The following ZNF778 variants were observed in gnomAD, a reference collection of about 807,000 sequenced individuals.
The protein encoded by ZNF778 is zinc finger protein 778.
In ZNF778, 37 loss-of-function variants were observed where a neutral mutation model predicts 23.9. The ratio of observed to expected loss-of-function variants is 1.54; its 90% CI spans 1.19 to 2.03. The LOEUF (loss-of-function observed/expected upper bound fraction) is 2.03, where lower values mean the gene tolerates loss of function less well. Ranked by LOEUF, ZNF778 falls within the 30% of genes most tolerant of loss-of-function variation. The pLI, the probability that ZNF778 is intolerant of heterozygous loss-of-function variation, is 0.00. For missense variants in ZNF778, 1,297 were observed against 934.4 expected, an observed-to-expected ratio of 1.39 and a Z score of -5.06; for synonymous variants, 483 against 343.9, an observed-to-expected ratio of 1.40 and a Z score of -4.48.
chr16:89,233,752 C>T lies in ZNF778; in HGVS notation c.*5190C>T, dbSNP rs578162344. Reference sequence around the variant, plus strand: ...AACTCGCACTGCATATGCAACTCAACTCGCACTGCGTATGCAACTCAACTC... The same window carrying T: ...AACTCGCACTGCATATGCAACTCAATTCGCACTGCGTATGCAACTCAACTC... On this transcript the variant is annotated 3_prime_UTR_variant, in exon 7 of 7. Coordinates refer to ENST00000433976, the MANE Select transcript of ZNF778 (RefSeq NM_001201407.2). The T allele has an allele frequency of 3.4e-3, 4,027 of 1,185,962 alleles. 110 individuals are homozygous for T. Among genetic ancestry groups the T allele is most frequent in the Middle Eastern group, 9.4e-3 (42 of 4,464 alleles). 73.5% of individuals were successfully genotyped at this position (1,185,962 alleles called of 1,614,324 possible).
chr16:89,222,079 C>T lies in ZNF778; in HGVS notation c.26-13C>T, dbSNP rs772472654. 5.1e-6 allele frequency: 8 copies of T among 1,580,410 alleles called. No individual in the cohort carries two copies. Among genetic ancestry groups the T allele is most frequent in the Non-Finnish European group, 6.0e-6 (7 of 1,157,836 alleles). On this transcript the variant is annotated splice_polypyrimidine_tract_variant and intron_variant, in intron 2 of 6. Coordinates refer to ENST00000433976, the MANE Select transcript of ZNF778 (RefSeq NM_001201407.2). Reference sequence around the variant, plus strand: ...CTGGGTTCTCATGCCTTCTTGCCTTCTTTGTTTTTTAGGAGGTCATGTTTC... The same window carrying T: ...CTGGGTTCTCATGCCTTCTTGCCTTTTTTGTTTTTTAGGAGGTCATGTTTC...
At chr16:89,219,118 AAAAT>A (rs1243776182) in intron 1 of ZNF778, among the ~76,000 whole-genome samples, 1 of 152,206 alleles carries the variant, frequency 6.6e-6, no homozygotes, top group Non-Finnish European at 1.5e-5. Context: ...AAAAAATAAA[AAAAT>A]AAAAAAATAA....
chr16:89,227,080 C>T lies in ZNF778; in HGVS notation c.792C>T (p.His264=). The T allele has an allele frequency of 1.9e-6, 3 of 1,614,050 alleles. No individual in the cohort carries two copies. Among genetic ancestry groups the T allele is most frequent in the South Asian group, 1.1e-5 (1 of 91,084 alleles). Residue 264 remains histidine, a synonymous_variant, in exon 7 of 7, where the codon CAC becomes CAT. Coordinates refer to ENST00000433976, the MANE Select transcript of ZNF778 (RefSeq NM_001201407.2). ...KWKPCGKALT[H]SMGCATPVEM... ...AGCCGTGTGGGAAAGCTCTAACTCACTCCATGGGCTGCGCCACACCTGTTG... is the reference window on the plus strand; with the variant it reads ...AGCCGTGTGGGAAAGCTCTAACTCATTCCATGGGCTGCGCCACACCTGTTG...
In ZNF778 at chr16:89,228,516, G is replaced by A; in HGVS notation, c.2228G>A (p.Cys743Tyr). The change falls in exon 7 of 7, where the codon TGC becomes TAC. Residue 743 changes from cysteine (C) to tyrosine (Y), a missense_variant. Cys to Tyr is a radical substitution (Grantham distance 194, BLOSUM62 -2). Coordinates refer to ENST00000433976, the MANE Select transcript of ZNF778 (RefSeq NM_001201407.2). ...DCGKSFKNSS[C>Y]LNHHTQIHTD... Reference sequence around the variant, plus strand: ...GGAAAATCTTTTAAGAATTCCTCATGCCTTAACCATCACACTCAAATTCAC... The same window carrying A: ...GGAAAATCTTTTAAGAATTCCTCATACCTTAACCATCACACTCAAATTCAC... The A allele has an allele frequency of 1.2e-6, 2 of 1,602,668 alleles. No homozygotes were observed. The highest frequency in any genetic ancestry group is 1.7e-6 in the Non-Finnish European group (2 of 1,176,240).
chr16:89,223,592 A>G (rs1040141209), intron 4 of ZNF778, among the ~76,000 whole-genome samples: 2 of 152,158 alleles, frequency 1.3e-5, no homozygotes, highest in Admixed American at 1.3e-4. Context: ...AATTCACTCT[A>G]ACACTGAGAA....
rs1470279284 is a variant in ZNF778, at chr16:89,223,230, G to A, written c.191G>A (p.Arg64Lys). ...TGGACTTTACTGGACCCATCTCAGA[G>A]AGACCTCTACAGAGATGTGATGCTG... The part of the protein sequence containing the change: ...EEWTLLDPSQ[R>K]DLYRDVMLEN... The change falls in exon 4 of 7, where the codon AGA becomes AAA. Residue 64 changes from arginine to lysine, a missense_variant. Coordinates refer to ENST00000433976, the MANE Select transcript of ZNF778 (RefSeq NM_001201407.2). 1.9e-6 allele frequency: 3 copies of A among 1,614,068 alleles called. No homozygotes were observed. The highest frequency in any genetic ancestry group is 1.7e-6 in the Non-Finnish European group (2 of 1,179,966).
rs1292109057 is a variant in ZNF778 at position 89,230,441 on chromosome 16, G to C, written c.*1879G>C. On this transcript the variant is annotated 3_prime_UTR_variant, in exon 7 of 7. Coordinates refer to ENST00000433976, the MANE Select transcript of ZNF778 (RefSeq NM_001201407.2). ...ATCTGGCACTCCTGGGGCAGCTGCTGCGATCCGGCACTGATGAGGCAGCTG... is the reference window on the plus strand; with the variant it reads ...ATCTGGCACTCCTGGGGCAGCTGCTCCGATCCGGCACTGATGAGGCAGCTG... 1 of 152,236 alleles carries C rather than the reference G, an allele frequency of 6.6e-6. No individual in the cohort carries two copies. The highest frequency in any genetic ancestry group is 2.4e-5 in the African/African-American group (1 of 41,438). The allele number at this position is 152,236 out of a possible 1,614,324, so 9.4% of individuals were successfully genotyped here. A position where few individuals can be genotyped will look rare whatever the true frequency, so the allele number is the denominator to read the frequency against.
At chr16:89,226,551 G>T (rs959182069) in intron 6 of ZNF778, 143 bp from the exon 7 acceptor site, 1 of 684,984 alleles carries the variant, frequency 1.5e-6, no homozygotes, top group Non-Finnish European at 2.4e-6. Context: ...TGACTTGAAA[G>T]ACATCTACAG....
At chr16:89,219,689 C>G (rs888105734) in intron 1 of ZNF778, among the ~76,000 whole-genome samples, 3 of 152,258 alleles carry the variant, frequency 2.0e-5, no homozygotes, top group African/African-American at 7.2e-5. Flanking sequence ...TCTGCTGGGT[C>G]CTTTCCACCA....
Position 89,227,681 on chromosome 16 carries a change from A to G in ZNF778, c.1393A>G (p.Thr465Ala). Reference sequence around the variant, plus strand: ...AGCCTTCTGTACATCCTCGGGCCTTACTGAGCATGTAAGGACTCACACTGG... The same window carrying G: ...AGCCTTCTGTACATCCTCGGGCCTTGCTGAGCATGTAAGGACTCACACTGG... ...GKAFCTSSGL[T>A]EHVRTHTGEK... The change falls in exon 7 of 7, where the codon ACT becomes GCT. Residue 465 changes from threonine (T) to alanine (A), a missense_variant. Physicochemically the swap from Thr to Ala is moderately conservative, Grantham distance 58. Transcript: ENST00000433976. 1.2e-6 allele frequency: 2 copies of G among 1,614,186 alleles called. No homozygotes were observed. Among genetic ancestry groups the G allele is most frequent in the South Asian group, 1.1e-5 (1 of 91,082 alleles).
rs1042553855 is a variant in ZNF778 at position 89,226,697 on chromosome 16, A to G, written c.409A>G (p.Arg137Gly). 20 of 1,607,134 alleles carry G rather than the reference A, an allele frequency of 1.2e-5. No homozygotes were observed. Among genetic ancestry groups the G allele is most frequent in the Non-Finnish European group, 1.7e-5 (20 of 1,175,504 alleles). The change falls in exon 7 of 7, where the codon AGA (arginine) becomes GGA (glycine). Residue 137 changes from arginine to glycine, a missense_variant. Arg to Gly is a moderately radical substitution (Grantham distance 125, BLOSUM62 -2). Transcript: ENST00000433976. ...ACCACTCATTCTTCACCAACAGGCA[A>G]GAAGCCACAATGGAGGGCAGCTCTG... ...FRASNETQTARSHNGGQLCDR... is the reference protein window; with the variant it reads ...FRASNETQTAGSHNGGQLCDR...
rs1255172271 is a variant in ZNF778 at position 89,232,705 on chromosome 16, C to A, written c.*4143C>A. On this transcript the variant is annotated 3_prime_UTR_variant, in exon 7 of 7. Transcript: ENST00000433976. Reference sequence around the variant, plus strand: ...GGTCTTGCTGTGGGGGCTAGACCGTCCCTCTCAGGCTAGATCATTCCTAAA... The same window carrying A: ...GGTCTTGCTGTGGGGGCTAGACCGTACCTCTCAGGCTAGATCATTCCTAAA... 2 of 1,265,794 alleles carry A rather than the reference C, an allele frequency of 1.6e-6. No individual in the cohort carries two copies. The highest frequency in any genetic ancestry group is 2.1e-6 in the Non-Finnish European group (2 of 974,136). The allele number at this position is 1,265,794 out of a possible 1,614,324, so 78.4% of individuals were successfully genotyped here.
Position 89,230,042 on chromosome 16 carries a change from A to T in ZNF778, c.*1480A>T. 9 of 977,464 alleles carry T rather than the reference A, an allele frequency of 9.2e-6. No individual in the cohort carries two copies. Among genetic ancestry groups the T allele is most frequent in the Non-Finnish European group, 1.1e-5 (9 of 823,020 alleles). The allele number at this position is 977,464 out of a possible 1,614,324, so 60.5% of individuals were successfully genotyped here. On this transcript the variant is annotated 3_prime_UTR_variant, in exon 7 of 7. Transcript: ENST00000433976. ...GGTTAGTCTTAAGTATCCAGATGGG[A>T]TCCTGTATGAGCAGCGTAGGCTCTG...
rs750966292 is a variant in ZNF778 at position 89,225,560 on chromosome 16, C to T, written c.334C>T (p.Arg112Ter). 6 of 1,603,826 alleles carry T rather than the reference C, an allele frequency of 3.7e-6. No individual in the cohort carries two copies. Among genetic ancestry groups the T allele is most frequent in the South Asian group, 3.3e-5 (3 of 90,416 alleles). The stretch of plus-strand genomic sequence containing the variant: ...TCATTCTTCTTTCTTTTCAGAATGG[C>T]GACTTAAAACCAAAGGGCCAGCACT... The part of the protein sequence containing the change: ...AGRRAVLQEW[R>*]LKTKGPALRQ... Residue 112 changes from arginine (R) to a stop codon, truncating the protein, a stop_gained, in exon 6 of 7, where the codon CGA becomes TGA. Coordinates refer to ENST00000433976, the MANE Select transcript of ZNF778 (RefSeq NM_001201407.2). LOFTEE classifies it high-confidence loss of function.
At position 89,222,188 on chromosome 16, in the gene ZNF778, G is replaced by C. The variant is rs1164196968; in HGVS notation, c.117+5G>C. ...TGGCTGATAAATTGTTACCAGGTAT[G>C]CCAAAACTGTATTTTTTCTTAAAAT... is the stretch of plus-strand genomic sequence containing the variant. On this transcript the variant is annotated splice_donor_5th_base_variant and intron_variant, in intron 3 of 6. Coordinates refer to ENST00000433976, the MANE Select transcript of ZNF778 (RefSeq NM_001201407.2). 6.3e-7 allele frequency: 1 copy of C among 1,591,902 alleles called. No homozygotes were observed.
rs2030876630 is a variant in ZNF778 at position 89,220,980 on chromosome 16, TTCA to T, written c.-131-12_-131-10del. 2 of 802,100 alleles carry T rather than the reference TTCA, an allele frequency of 2.5e-6. No individual in the cohort carries two copies. Among genetic ancestry groups the T allele is most frequent in the African/African-American group, 3.4e-5 (2 of 58,100 alleles). The allele number at this position is 802,100 out of a possible 1,614,324, so 49.7% of individuals were successfully genotyped here. On this transcript the variant is annotated splice_polypyrimidine_tract_variant and intron_variant, in intron 1 of 6. Coordinates refer to ENST00000433976, the MANE Select transcript of ZNF778 (RefSeq NM_001201407.2). Reference sequence around the variant, plus strand: ...TTTGATAACTGGGAAGTAATGCTTCTTCATCATGATTGCTAGGAAATAGGGATC... The same window carrying T: ...TTTGATAACTGGGAAGTAATGCTTCTTCATGATTGCTAGGAAATAGGGATC...
Position 89,221,224 on chromosome 16 carries a change from A to G in ZNF778, c.25+72A>G, listed in dbSNP as rs184548082. ...GATACACAGTGTGTGTATCAGGCCC[A>G]TGGACGGGGCCTGAGTAGTCACGCT... On this transcript the variant is annotated intron_variant, in intron 2 of 6. Coordinates refer to ENST00000433976, the MANE Select transcript of ZNF778 (RefSeq NM_001201407.2). 753 of 1,478,210 alleles carry G rather than the reference A, an allele frequency of 5.1e-4. 4 individuals are homozygous for G. In the African/African-American group the frequency reaches 9.2e-3, roughly 18 times the overall value. The allele number at this position is 1,478,210 out of a possible 1,614,324, so 91.6% of individuals were successfully genotyped here.
At position 89,228,495 on chromosome 16, in the gene ZNF778, A is replaced by C. The variant is rs549747780; in HGVS notation, c.2207A>C (p.Lys736Thr). 97 of 1,609,066 alleles carry C rather than the reference A, an allele frequency of 6.0e-5. No individual in the cohort carries two copies. Among genetic ancestry groups the C allele is most frequent in the Middle Eastern group, 5.0e-4 (3 of 6,048 alleles). Reference protein sequence around the residue: ...EQVFVCKDCGKSFKNSSCLNH... With the variant: ...EQVFVCKDCGTSFKNSSCLNH... ...GTTTTTGTATGTAAGGACTGTGGAA[A>C]ATCTTTTAAGAATTCCTCATGCCTT... The change falls in exon 7 of 7, where the codon AAA becomes ACA. Residue 736 changes from lysine (K) to threonine (T), a missense_variant. Physicochemically the swap from Lys to Thr is moderately conservative, Grantham distance 78. Transcript: ENST00000433976.
rs897746866 is a variant in ZNF778 at position 89,235,347 on chromosome 16, A to G, written c.*6785A>G. On this transcript the variant is annotated 3_prime_UTR_variant, in exon 7 of 7. Transcript: ENST00000433976. ...AAAATCCGAAAGTTTAGTTTTTCCC[A>G]TTCGCTTGCCCTGGCCTCCAGGCAG... The G allele has an allele frequency of 5.9e-5, 9 of 152,136 alleles. No individual in the cohort carries two copies. Among genetic ancestry groups the G allele is most frequent in the African/African-American group, 2.2e-4 (9 of 41,410 alleles). The allele number at this position is 152,136 out of a possible 1,614,324, so 9.4% of individuals were successfully genotyped here.
Sources: gnomAD v4.1 joint callset for allele counts (sites outside exome capture counted in the v4.1 genomes callset) on GRCh38, gnomAD v4.1.1 for gene constraint, MANE v1.5 for transcripts, NCBI Gene and HGNC (gene_info 2026-07-23, HGNC 2026-07-21) for gene names.